The following CCNL2 variants were observed in gnomAD, a reference collection of about 807,000 sequenced individuals.
CCNL2 encodes cyclin-L2.
A neutral mutation model predicts 59.1 loss-of-function variants in CCNL2; 28 were observed. That is an observed-to-expected ratio of 0.47 (90% CI 0.35 to 0.65). The LOEUF (loss-of-function observed/expected upper bound fraction) is 0.65. Ranked by LOEUF, CCNL2 falls within the 30% of genes least tolerant of loss-of-function variation. The pLI is 0.00. For missense variants in CCNL2, 714 were observed against 717.4 expected (o/e 1.00, Z 0.05); for synonymous variants, 342 against 288.6 (o/e 1.19, Z -1.88).
chr1:1,395,651 T>A (rs1002791907), intron 3 of CCNL2, 137 bp from the exon 4 acceptor site: 2 of 1,230,644 alleles, frequency 1.6e-6, no homozygotes. Context: ...CATCCTCTGA[T>A]GAACAAAACT....
intron 5 of CCNL2, chr1:1,392,396 CA>C (rs1644808113): frequency 9.1e-7 from 1 of 1,100,212 alleles, no homozygotes; most frequent in Non-Finnish European, 1.1e-6. Context: ...CAAAGCTGCT[CA>C]AAAGAGCAAC....
At chr1:1,391,120 C>A in intron 5 of CCNL2, 1 of 1,251,534 alleles carries the variant, frequency 8.0e-7, no homozygotes, top group Non-Finnish European at 1.0e-6. Flanking sequence ...GAATGTCAGA[C>A]AATACGTGTT....
rs951620392 is a variant in CCNL2, at chr1:1,387,324, G to A, written c.1470C>T (p.Tyr490=). The A allele has an allele frequency of 6.2e-7, 1 of 1,614,046 alleles. No individual in the cohort carries two copies. The highest frequency in any genetic ancestry group is 1.3e-5 in the African/African-American group (1 of 75,054). The change falls in exon 11 of 11, where the codon TAC becomes TAT. Residue 490 remains tyrosine (Y), a synonymous_variant. Transcript: ENST00000400809. The part of the protein sequence containing the change: ...PGKYKKKSHY[Y]RDQRRERSRS... ...TCGAGCGCTCTCGTCGCTGATCTCT[G>A]TAGTAATGACTTTTCTTCTTGTATT...
At chr1:1,398,529 G>A (rs374517129) in intron 2 of CCNL2, 68 bp downstream of exon 2, 16 of 1,587,244 alleles carry the variant, frequency 1.0e-5, no homozygotes, top group East Asian at 2.2e-5. Context: ...TTAGTAACCG[G>A]GCAAAGTAAC....
At chr1:1,388,702 C>T (rs561142194) in intron 8 of CCNL2, 17 of 420,380 alleles carry the variant, frequency 4.0e-5, no homozygotes, top group South Asian at 1.7e-4. Context: ...ATCTGGTAGG[C>T]GGAGCTTGCA....
Position 1,387,884 on chromosome 1 carries a change from G to A in CCNL2, c.1119-15C>T, listed in dbSNP as rs1411883491. Reference sequence around the variant, plus strand: ...CCTTTGGCAAGCTGTGAACAGGACAGGAGCCAGTTACAAAGCAGAAGTCCC... The same window carrying A: ...CCTTTGGCAAGCTGTGAACAGGACAAGAGCCAGTTACAAAGCAGAAGTCCC... On this transcript the variant is annotated splice_polypyrimidine_tract_variant and intron_variant, in intron 9 of 10. Coordinates refer to ENST00000400809, the MANE Select transcript of CCNL2 (RefSeq NM_030937.6). 28 of 1,613,856 alleles carry A rather than the reference G, an allele frequency of 1.7e-5. No individual in the cohort carries two copies. Among genetic ancestry groups the A allele is most frequent in the Non-Finnish European group, 2.3e-5 (27 of 1,179,976 alleles).
intron 3 of CCNL2, among the ~76,000 whole-genome samples, chr1:1,397,164 G>A (rs541389132): frequency 6.6e-6 from 1 of 152,356 alleles, no homozygotes; most frequent in East Asian, 1.9e-4. Flanking sequence ...TTACAGGCCA[G>A]CCCGGCCAGA....
At chr1:1,396,486 G>A (rs150005823) in intron 3 of CCNL2, among the ~76,000 whole-genome samples, 2,754 of 149,900 alleles carry the variant, frequency 0.018, 79 homozygotes, top group African/African-American at 0.064. Flanking sequence ...GGCTGGTCTC[G>A]AACTCCCGAC....
intron 3 of CCNL2, among the ~76,000 whole-genome samples, chr1:1,396,052 G>A (rs1645001955): frequency 6.6e-6 from 1 of 151,784 alleles, no homozygotes; most frequent in Admixed American, 6.6e-5. Flanking sequence ...GGTGGCGGGT[G>A]CTTGTAATCC....
At chr1:1,393,556 T>C in intron 4 of CCNL2, 96 bp from the exon 5 acceptor site, 3 of 1,099,858 alleles carry the variant, frequency 2.7e-6, no homozygotes, top group Non-Finnish European at 4.2e-6. Flanking sequence ...AGCCTCAAGC[T>C]AGATCCCAGG....
intron 8 of CCNL2, chr1:1,388,703 G>T (rs1644599406): frequency 2.4e-6 from 1 of 418,692 alleles, no homozygotes; most frequent in Admixed American, 2.8e-5. Context: ...TCTGGTAGGC[G>T]GAGCTTGCAG....
Position 1,387,789 on chromosome 1 carries a change from G to C in CCNL2, c.1199C>G (p.Ser400Cys), listed in dbSNP as rs957488817. Reference protein sequence around the residue: ...SYSRSPSRSASPKRRKSDSGS... With the variant: ...SYSRSPSRSACPKRRKSDSGS... ...CTGAGGCACACACCTCCTCTTAGGA[G>C]ACGCTGATCGGGATGGGGACCTCGA... Residue 400 changes from serine (S) to cysteine (C), a missense_variant, in exon 10 of 11, where the codon TCT (serine) becomes TGT (cysteine). Coordinates refer to ENST00000400809, the MANE Select transcript of CCNL2 (RefSeq NM_030937.6). 1.2e-6 allele frequency: 2 copies of C among 1,612,216 alleles called. No individual in the cohort carries two copies. The highest frequency in any genetic ancestry group is 1.3e-5 in the African/African-American group (1 of 74,904).
intron 4 of CCNL2, among the ~76,000 whole-genome samples, chr1:1,394,429 A>T (rs544863523): frequency 1.1e-3 from 161 of 152,254 alleles, no homozygotes; most frequent in African/African-American, 3.7e-3. Flanking sequence ...AGAGAAAGTA[A>T]AGCTATCACT....
intron 5 of CCNL2, chr1:1,392,658 A>G (rs1272363856): frequency 1.3e-6 from 2 of 1,502,854 alleles, no homozygotes; most frequent in South Asian, 1.3e-5. Flanking sequence ...GGAGTCGGCC[A>G]TGGCTATGCT....
chr1:1,388,610 C>T, intron 8 of CCNL2: 1 of 416,070 alleles, frequency 2.4e-6, no homozygotes, highest in Non-Finnish European at 4.8e-6. Flanking sequence ...TAGACACACA[C>T]TCACACACAA....
Position 1,390,239 on chromosome 1 carries a change from G to A in CCNL2, c.997C>T (p.Pro333Ser), listed in dbSNP as rs750621217. The change falls in exon 8 of 11, where the codon CCC (proline) becomes TCC (serine). Residue 333 changes from proline (P) to serine (S), a missense_variant. Physicochemically the swap from Pro to Ser is moderately conservative, Grantham distance 74. This residue lies in a region of CCNL2 where 403 missense variants were observed against 377.7 expected (regional missense o/e 1.07). Transcript: ENST00000400809. ...ACTCTAACAGACTCACCCAGCTTGGGGGCAGGAGAGAACCCCGAGGTACCA... is the reference window on the plus strand; with the variant it reads ...ACTCTAACAGACTCACCCAGCTTGGAGGCAGGAGAGAACCCCGAGGTACCA... The part of the protein sequence containing the change: ...LDGTSGFSPA[P>S]KLVESPKEGK... 2.5e-6 allele frequency: 4 copies of A among 1,608,836 alleles called. No individual in the cohort carries two copies. In the South Asian group the frequency reaches 4.4e-5, roughly 18 times the overall value.
chr1:1,389,690 T>C (rs1160859937), intron 8 of CCNL2, among the ~76,000 whole-genome samples: 1 of 152,096 alleles, frequency 6.6e-6, no homozygotes, highest in Non-Finnish European at 1.5e-5. Flanking sequence ...CTGGGCACGG[T>C]GGCTCACGCC....
Position 1,387,770 on chromosome 1 carries a change from C to T in CCNL2, c.1211+7G>A. 6.2e-7 allele frequency: 1 copy of T among 1,608,852 alleles called. No homozygotes were observed. The highest frequency in any genetic ancestry group is 8.5e-7 in the Non-Finnish European group (1 of 1,177,370). The stretch of plus-strand genomic sequence containing the variant: ...TCGGCCTCCTGGGTGCGCCCTGAGG[C>T]ACACACCTCCTCTTAGGAGACGCTG... On this transcript the variant is annotated splice_region_variant and intron_variant, in intron 10 of 10. Coordinates refer to ENST00000400809, the MANE Select transcript of CCNL2 (RefSeq NM_030937.6).
At chr1:1,391,241 T>C (rs1255353397) in intron 5 of CCNL2, 2 of 1,103,436 alleles carry the variant, frequency 1.8e-6, no homozygotes, top group African/African-American at 3.3e-5. Flanking sequence ...ACTAAAACGC[T>C]TTTGATTAAA....
Sources: allele counts gnomAD v4.1 joint callset (sites outside exome capture counted in the v4.1 genomes callset), GRCh38; gene constraint gnomAD v4.1.1; regional missense constraint gnomAD v4.1.1; transcripts MANE v1.5; gene names NCBI Gene and HGNC (gene_info 2026-07-23, HGNC 2026-07-21).